Variants in KCNQ2 observed in about 807,000 individuals in gnomAD.
KCNQ2 encodes the protein potassium voltage-gated channel subfamily KQT member 2.
KCNQ2 carries 14 observed loss-of-function variants against 84.8 expected under a neutral mutation model. The ratio of observed to expected loss-of-function variants is 0.17; its 90% confidence interval spans 0.11 to 0.26. The LOEUF (loss-of-function observed/expected upper bound fraction) is 0.26, where lower values mean the gene tolerates loss of function less well. Among genes scored for constraint, KCNQ2 ranks in the 10% least tolerant of loss-of-function variants. KCNQ2 has a pLI of 1.00. For missense variants in KCNQ2, 788 were observed against 1,254.0 expected, an observed-to-expected ratio of 0.63 and a Z score of 5.61; for synonymous variants, 599 against 554.1, an observed-to-expected ratio of 1.08 and a Z score of -1.14.
Position 63,404,158 on chromosome 20 carries a change from C to G in KCNQ2, c.*2486G>C. On this transcript the variant is annotated 3_prime_UTR_variant, in exon 17 of 17. Coordinates refer to ENST00000359125, the MANE Select transcript of KCNQ2 (RefSeq NM_172107.4). ...AGCTTCTGGGAGGGAAGGGATTGGC[C>G]TGTCTTCCTCATCCTGCAGAGCCCC... The G allele has an allele frequency of 6.6e-6, 1 of 152,310 alleles. No homozygotes were observed. The highest frequency in any genetic ancestry group is 3.1e-3 in the Middle Eastern group (1 of 320). The allele number at this position is 152,310 out of a possible 1,614,324, so 9.4% of individuals were successfully genotyped here. A position where few individuals can be genotyped will look rare whatever the true frequency, so the allele number is the denominator to read the frequency against.
At chr20:63,445,004 C>G (rs1032057018) in intron 3 of KCNQ2, among the ~76,000 whole-genome samples, 170 bp from the exon 4 acceptor site, 2 of 152,226 alleles carry the variant, frequency 1.3e-5, no homozygotes, top group Non-Finnish European at 2.9e-5. Flanking sequence ...TATCGTCCAC[C>G]CTGCCTGTGG....
At chr20:63,439,741 G>A (rs1465595512) in intron 5 of KCNQ2, 33 bp from the exon 6 acceptor site, 1 of 1,518,790 alleles carries the variant, frequency 6.6e-7, no homozygotes, top group South Asian at 1.1e-5. Context: ...CACACGAAGG[G>A]CCTGCTCACA....
At chr20:63,445,564 G>C (rs991454904) in intron 2 of KCNQ2, 200 bp from the exon 3 acceptor site, 6 of 606,342 alleles carry the variant, frequency 9.9e-6, no homozygotes, top group Non-Finnish European at 1.5e-5. Flanking sequence ...CCCTGCATCC[G>C]GGAACACAGC....
Position 63,439,664 on chromosome 20 carries a change from G to C in KCNQ2, c.861C>G (p.Thr287=), listed in dbSNP as rs11698044. The C allele has an allele frequency of 2.9e-5, 46 of 1,613,908 alleles. No individual in the cohort carries two copies. In the Admixed American group the frequency reaches 4.5e-4, roughly 16 times the overall value. Residue 287 remains threonine (T), a synonymous_variant, in exon 6 of 17, where the codon ACC becomes ACG. Transcript: ENST00000359125. ...TTGCCGCAAGGAGCCTGCCGTTCCA[G>C]GTCTGGGGGTACTTGTCCCCGTAGC... ...TIGYGDKYPQ[T]WNGRLLAATF...
At chr20:63,422,961 A>G (rs1207898745) in intron 11 of KCNQ2, among the ~76,000 whole-genome samples, 1 of 152,002 alleles carries the variant, frequency 6.6e-6, no homozygotes, top group Non-Finnish European at 1.5e-5. Flanking sequence ...AAGGGTGCCC[A>G]TTGTGGGGGG....
intron 1 of KCNQ2, among the ~76,000 whole-genome samples, chr20:63,456,958 G>A (rs1484611189): frequency 1.3e-5 from 2 of 152,218 alleles, no homozygotes; most frequent in African/African-American, 4.8e-5. Context: ...CCAGGTCCAG[G>A]ACTGCTCGAG....
rs150383076 is a variant in KCNQ2, at chr20:63,424,807, G to A, written c.1218-601C>T. On this transcript the variant is annotated intron_variant, in intron 10 of 16. Transcript: ENST00000359125. ...TGGGGCTGTTTCCGCGGGTAAAGGC[G>A]TTATGGATTGAGTGAGAGATCGGCG... Among the ~76,000 whole-genome samples, 176 of 152,364 alleles carry A rather than the reference G, an allele frequency of 1.2e-3. 1 individual carries two copies. Among genetic ancestry groups the A allele is most frequent in the African/African-American group, 4.0e-3 (166 of 41,590 alleles).
Position 63,414,930 on chromosome 20 carries a change from C to T in KCNQ2, c.1498G>A (p.Gly500Ser), listed in dbSNP as rs2080237946. 6.2e-7 allele frequency: 1 copy of T among 1,612,778 alleles called. No homozygotes were observed. The highest frequency in any genetic ancestry group is 8.5e-7 in the Non-Finnish European group (1 of 1,179,950). ...TCTGAGTTCTGCCGTGACGCGGCAC[C>T]CTTGATGCGGAAAGCCTGGCGTGCC... ...SRARQAFRIK[G>S]AASRQNSEEA... is the part of the protein sequence containing the mutation. Residue 500 changes from glycine (G) to serine (S), a missense_variant, in exon 13 of 17, where the codon GGT (glycine) becomes AGT (serine). By Grantham distance (56) the Gly-to-Ser change is moderately conservative. This residue lies in a region of KCNQ2 where 202 missense variants were observed against 239.4 expected (regional missense o/e 0.84). Coordinates refer to ENST00000359125, the MANE Select transcript of KCNQ2 (RefSeq NM_172107.4). This position sits in a 1 kb window ranked among gnomAD's most constrained non-coding sequence, Gnocchi z 6.6.
At chr20:63,428,669 C>A (rs1216395943) in intron 9 of KCNQ2, among the ~76,000 whole-genome samples, 2 of 152,174 alleles carry the variant, frequency 1.3e-5, no homozygotes, top group Non-Finnish European at 2.9e-5. Flanking sequence ...CCTTGTCAAC[C>A]AGCAGGGACA....
intron 7 of KCNQ2, among the ~76,000 whole-genome samples, chr20:63,437,715 G>C (rs988729875): frequency 6.6e-6 from 1 of 152,404 alleles, no homozygotes; most frequent in African/African-American, 2.4e-5. Flanking sequence ...TCCGCTGGCA[G>C]GGATCCTGGT....
chr20:63,431,510 C>G, intron 8 of KCNQ2, 141 bp from the exon 9 acceptor site: 1 of 928,346 alleles, frequency 1.1e-6, no homozygotes, highest in Non-Finnish European at 1.7e-6. Context: ...AGGGCTGGTT[C>G]TGTCCCTGCC....
chr20:63,459,638 T>A (rs2081898289), intron 1 of KCNQ2: 1 of 151,984 alleles, frequency 6.6e-6, no homozygotes, highest in South Asian at 2.1e-4. Flanking sequence ...GGGTGACAAG[T>A]TTTCAAATAG....
At chr20:63,464,741 G>A (rs908653772) in intron 1 of KCNQ2, among the ~76,000 whole-genome samples, 1 of 152,206 alleles carries the variant, frequency 6.6e-6, no homozygotes, top group African/African-American at 2.4e-5. Flanking sequence ...GGGGGCAGGG[G>A]CCCTGCTGAC....
chr20:63,454,258 A>G (rs2081705695), intron 1 of KCNQ2, among the ~76,000 whole-genome samples: 2 of 152,200 alleles, frequency 1.3e-5, no homozygotes, highest in Non-Finnish European at 2.9e-5. Context: ...GCATGAAGGA[A>G]GCAGCTGCCC....
Position 63,414,297 on chromosome 20 carries a change from G to A in KCNQ2, c.1526-104C>T, listed in dbSNP as rs1182008922. 1.1e-5 allele frequency: 9 copies of A among 830,030 alleles called. No individual in the cohort carries two copies. The highest frequency in any genetic ancestry group is 3.4e-5 in the African/African-American group (2 of 59,064). The allele number at this position is 830,030 out of a possible 1,614,324, so 51.4% of individuals were successfully genotyped here. ...TAGACAGAGCGCCAGGGAGCCCCTCGAGGCTCCCTGTGGTGCCCCTCGGGT... is the reference window on the plus strand; with the variant it reads ...TAGACAGAGCGCCAGGGAGCCCCTCAAGGCTCCCTGTGGTGCCCCTCGGGT... On this transcript the variant is annotated intron_variant, in intron 13 of 16. Transcript: ENST00000359125. This position sits in a 1 kb window ranked among gnomAD's most constrained non-coding sequence, Gnocchi z 6.6.
intron 5 of KCNQ2, among the ~76,000 whole-genome samples, chr20:63,440,446 G>A (rs1031861601): frequency 3.3e-5 from 5 of 152,182 alleles, no homozygotes; most frequent in Admixed American, 6.5e-5. Flanking sequence ...TGGACATGTT[G>A]GGGCCGCAGC....
rs187245764 is a variant in KCNQ2, at chr20:63,429,148, C to T, written c.1149-713G>A. Among the ~76,000 whole-genome samples the T allele has an allele frequency of 3.8e-4, 57 of 151,974 alleles. 1 individual carries two copies. The East Asian group carries it at 7.8e-3, about 21-fold the overall frequency. ...GGCACCTCCTCACGTCTGGGTGGGACGTCCCCCTCTTCACCCCTCCCCACT... is the reference window on the plus strand; with the variant it reads ...GGCACCTCCTCACGTCTGGGTGGGATGTCCCCCTCTTCACCCCTCCCCACT... On this transcript the variant is annotated intron_variant, in intron 9 of 16. Coordinates refer to ENST00000359125, the MANE Select transcript of KCNQ2 (RefSeq NM_172107.4).
intron 1 of KCNQ2, among the ~76,000 whole-genome samples, chr20:63,467,516 G>A (rs1236340880): frequency 6.6e-6 from 1 of 152,066 alleles, no homozygotes; most frequent in Non-Finnish European, 1.5e-5. Flanking sequence ...CCCAGCTCCT[G>A]TGAGGCTATG....
In KCNQ2 at chr20:63,446,626, T is replaced by C. The variant is rs375184813; in HGVS notation, c.387+121A>G. The C allele has an allele frequency of 1.3e-5, 11 of 818,028 alleles. No homozygotes were observed. In the African/African-American group the frequency reaches 1.4e-4, roughly 10 times the overall value. The allele number at this position is 818,028 out of a possible 1,614,324, so 50.7% of individuals were successfully genotyped here. ...TGGGAACTGACAGGGCACAAAGACA[T>C]GGCCAGAGCTGGGGCTGGGGGCGTC... On this transcript the variant is annotated intron_variant, in intron 2 of 16. Coordinates refer to ENST00000359125, the MANE Select transcript of KCNQ2 (RefSeq NM_172107.4). The surrounding 1 kb of genome is among the most constrained non-coding windows in gnomAD (Gnocchi z 5.5).
Sources: gnomAD v4.1 joint callset for allele counts (sites outside exome capture counted in the v4.1 genomes callset) on GRCh38, gnomAD v4.1.1 for gene constraint, gnomAD v4.1.1 regional missense constraint, Gnocchi (gnomAD v3.1) non-coding constraint, MANE v1.5 for transcripts, NCBI Gene and HGNC (gene_info 2026-07-23, HGNC 2026-07-21) for gene names.